Variants in COL5A1 observed in about 807,000 individuals in gnomAD.
The protein encoded by COL5A1 is collagen alpha-1(V) chain.
Under a neutral mutation model 263.7 loss-of-function variants are expected in COL5A1, and 16 were observed. The ratio of observed to expected loss-of-function variants is 0.06; its 90% CI spans 0.04 to 0.09. COL5A1 has a LOEUF of 0.09. COL5A1 is among the 10% of genes least tolerant of loss of function. The pLI is 1.00. For synonymous variants in COL5A1, 1,012 were observed against 1,004.5 expected (o/e 1.01, Z -0.14); for missense variants, 2,036 against 2,540.5 (o/e 0.80, Z 4.27).
Position 134,682,833 on chromosome 9 carries a change from C to T in COL5A1, c.110-8079C>T, listed in dbSNP as rs1832901628. 1.3e-5 allele frequency among the ~76,000 whole-genome samples: 2 copies of T among 152,184 alleles called. No homozygotes were observed. Among genetic ancestry groups the T allele is most frequent in the Non-Finnish European group, 2.9e-5 (2 of 68,040 alleles). ...GCAGGCTCTGATGGATCGCAAATGC[C>T]CAGCCTTTGGGAGCGGGGACTGCGG... is the stretch of plus-strand genomic sequence containing the variant. On this transcript the variant is annotated intron_variant, in intron 1 of 65. Transcript: ENST00000371817. This position sits in a 1 kb window ranked among gnomAD's most constrained non-coding sequence, Gnocchi z 5.1.
chr9:134,665,565 G>A (rs1832332711), intron 1 of COL5A1, among the ~76,000 whole-genome samples: 1 of 152,210 alleles, frequency 6.6e-6, no homozygotes, highest in Non-Finnish European at 1.5e-5. Context: ...TCTGTAGAGT[G>A]GACGGCTGGG....
chr9:134,767,864 CA>C (rs1405782067), intron 24 of COL5A1, among the ~76,000 whole-genome samples: 4 of 152,156 alleles, frequency 2.6e-5, no homozygotes, highest in Non-Finnish European at 5.9e-5. Context: ...TTGCGATCAG[CA>C]AAAACACCTC....
intron 1 of COL5A1, among the ~76,000 whole-genome samples, chr9:134,646,606 G>T (rs895006073): frequency 4.6e-5 from 7 of 152,186 alleles, no homozygotes; most frequent in African/African-American, 1.7e-4. Flanking sequence ...GCAGATCCTG[G>T]CAGCTTCCTT....
In COL5A1 at chr9:134,835,141, C is replaced by T. The variant is rs754379329; in HGVS notation, c.5307C>T (p.Ser1769=). Residue 1769 remains serine, a synonymous_variant, in exon 65 of 66, where the codon TCC becomes TCT. Transcript: ENST00000371817. The part of the protein sequence containing the change: ...SYDKALRFLG[S]NDEEMSYDNN... ...ACAAGGCCCTCCGCTTCCTGGGCTC[C>T]AACGACGAGGAGATGTCCTATGACA... 6 of 1,613,878 alleles carry T rather than the reference C, an allele frequency of 3.7e-6. No homozygotes were observed. The highest frequency in any genetic ancestry group is 1.7e-5 in the Admixed American group (1 of 60,030).
chr9:134,826,806 A>G (rs1564489179), intron 63 of COL5A1, among the ~76,000 whole-genome samples: 1 of 137,368 alleles, frequency 7.3e-6, no homozygotes, highest in African/African-American at 2.8e-5. Context: ...TGGCTGGTGC[A>G]GGTGTGTGGG....
intron 1 of COL5A1, among the ~76,000 whole-genome samples, chr9:134,650,306 A>T (rs565814141): frequency 2.2e-4 from 34 of 152,348 alleles, no homozygotes; most frequent in Non-Finnish European, 2.8e-4. Flanking sequence ...ACCGTCTTCC[A>T]TTGGAAGCGA....
intron 63 of COL5A1, among the ~76,000 whole-genome samples, chr9:134,829,607 A>C (rs1356614783): frequency 1.5e-5 from 2 of 134,410 alleles, no homozygotes; most frequent in African/African-American, 5.8e-5. Flanking sequence ...GGCCGGGGCC[A>C]GGCTCATCCT....
Position 134,727,356 on chromosome 9 carries a change from C to T in COL5A1, c.745C>T (p.Pro249Ser). The T allele has an allele frequency of 6.2e-7, 1 of 1,614,070 alleles. No individual in the cohort carries two copies. Among genetic ancestry groups the T allele is most frequent in the Non-Finnish European group, 8.5e-7 (1 of 1,179,938 alleles). ...CAGCCCTGACTGTGACACCGCAGTA[C>T]CTGACACCCCACAGTCGCAGGACCC... ...HYSPDCDTAV[P>S]DTPQSQDPNP... Residue 249 changes from proline (P) to serine (S), a missense_variant, in exon 5 of 66, where the codon CCT becomes TCT. Physicochemically the swap from Pro to Ser is moderately conservative, Grantham distance 74. This residue lies in a region of COL5A1 where 600 missense variants were observed against 634.5 expected (regional missense o/e 0.95). Transcript: ENST00000371817.
chr9:134,820,010 T>C (rs1838929562), intron 57 of COL5A1, 106 bp from the exon 58 acceptor site: 1 of 871,956 alleles, frequency 1.1e-6, no homozygotes, highest in African/African-American at 1.6e-5. Context: ...GACCATGATG[T>C]AAAGCTTCCT....
chr9:134,718,761 C>T (rs888769719), intron 4 of COL5A1, among the ~76,000 whole-genome samples: 4 of 152,162 alleles, frequency 2.6e-5, no homozygotes, highest in Non-Finnish European at 4.4e-5. Context: ...TCAGGAGCCC[C>T]AGTCAGCCCT....
chr9:134,773,872 C>T (rs1029212601), intron 26 of COL5A1, among the ~76,000 whole-genome samples: 2 of 152,230 alleles, frequency 1.3e-5, no homozygotes, highest in East Asian at 1.9e-4. Context: ...TCGCAGCAGC[C>T]ACTGGGGTGA....
chr9:134,768,359 C>A, intron 24 of COL5A1, 51 bp from the exon 25 acceptor site: 1 of 1,504,948 alleles, frequency 6.6e-7, no homozygotes, highest in South Asian at 1.1e-5. Context: ...ACGGAGAGGT[C>A]AGGTGAGCCT....
intron 11 of COL5A1, among the ~76,000 whole-genome samples, chr9:134,739,643 G>A (rs1002252415): frequency 6.6e-6 from 1 of 152,168 alleles, no homozygotes; most frequent in East Asian, 1.9e-4. Context: ...ACGGGGAGGC[G>A]TTTGGGGAGT....
At position 134,752,652 on chromosome 9, in the gene COL5A1, C is replaced by A. The variant is rs1384002863; in HGVS notation, c.1719+7C>A. 1 of 1,609,982 alleles carries A rather than the reference C, an allele frequency of 6.2e-7. No individual in the cohort carries two copies. The highest frequency in any genetic ancestry group is 8.5e-7 in the Non-Finnish European group (1 of 1,176,452). Reference sequence around the variant, plus strand: ...AGGGAGACCTGGCCCTGTGGTAAGTCATTGGCAAATCTGAGAGCTGGGCGT... The same window carrying A: ...AGGGAGACCTGGCCCTGTGGTAAGTAATTGGCAAATCTGAGAGCTGGGCGT... On this transcript the variant is annotated splice_region_variant and intron_variant, in intron 14 of 65. Transcript: ENST00000371817.
chr9:134,668,954 C>CCCATCCATCCAT (rs760262319), intron 1 of COL5A1, among the ~76,000 whole-genome samples: 12,357 of 110,412 alleles, frequency 0.11, 910 homozygotes, highest in African/African-American at 0.17. Flanking sequence ...CACCCACCCA[C>CCCATCCATCCAT]CCATCCATCC....
intron 65 of COL5A1, among the ~76,000 whole-genome samples, chr9:134,838,130 G>A (rs1293041125): frequency 2.0e-5 from 3 of 152,156 alleles, no homozygotes; most frequent in South Asian, 2.1e-4. Context: ...AGAGGGAACC[G>A]GGTTCAAGAG....
chr9:134,756,386 C>G (rs1034213211), intron 16 of COL5A1, among the ~76,000 whole-genome samples: 1 of 152,214 alleles, frequency 6.6e-6, no homozygotes, highest in Non-Finnish European at 1.5e-5. Flanking sequence ...TCTGTGATGT[C>G]AGTGGCCTGC....
At chr9:134,771,211 C>A (rs1016571744) in intron 25 of COL5A1, among the ~76,000 whole-genome samples, 2 of 152,266 alleles carry the variant, frequency 1.3e-5, no homozygotes, top group Non-Finnish European at 2.9e-5. Flanking sequence ...GGCTCTCGGC[C>A]CCCCTGCAGA....
At chr9:134,674,979 A>G (rs1832646744) in intron 1 of COL5A1, among the ~76,000 whole-genome samples, 1 of 152,210 alleles carries the variant, frequency 6.6e-6, no homozygotes, top group South Asian at 2.1e-4. Context: ...ACGTTTCAAT[A>G]TTCCCTTATT....
Sources: gnomAD v4.1 joint callset for allele counts (sites outside exome capture counted in the v4.1 genomes callset) on GRCh38, gnomAD v4.1.1 for gene constraint, gnomAD v4.1.1 regional missense constraint, Gnocchi (gnomAD v3.1) non-coding constraint, MANE v1.5 for transcripts, NCBI Gene and HGNC (gene_info 2026-07-23, HGNC 2026-07-21) for gene names.